The following SEMA4B variants were observed in gnomAD, a reference collection of about 807,000 sequenced individuals.
The protein encoded by SEMA4B is semaphorin-4B.
SEMA4B carries 55 observed loss-of-function variants against 88.1 expected under a neutral mutation model. The observed-to-expected ratio is 0.62, with a 90% CI of 0.50 to 0.78. SEMA4B has a LOEUF of 0.78. SEMA4B is among the 30% of genes least tolerant of loss of function. The probability of loss-of-function intolerance (pLI) is 0.00; values close to 1 mark genes in which losing one functional copy is unlikely to be tolerated. For missense variants in SEMA4B, 1,062 were observed against 1,111.9 expected, an observed-to-expected ratio of 0.96 and a Z score of 0.64; for synonymous variants, 525 against 473.6, an observed-to-expected ratio of 1.11 and a Z score of -1.41.
At chr15:90,203,140 G>A (rs948739943) in intron 1 of SEMA4B, among the ~76,000 whole-genome samples, 2 of 152,228 alleles carry the variant, frequency 1.3e-5, no homozygotes, top group Admixed American at 6.5e-5. Flanking sequence ...TACGGGAACC[G>A]CTGAATGAGT....
At position 90,225,190 on chromosome 15, in the gene SEMA4B, C is replaced by G. The variant is rs1271410523; in HGVS notation, c.1405+12C>G. ...CTTCCTGGGCACTGGTAAGTGTCTGCAGCCCAGCAGGCTCAGGGGAAGGGG... is the reference window on the plus strand; with the variant it reads ...CTTCCTGGGCACTGGTAAGTGTCTGGAGCCCAGCAGGCTCAGGGGAAGGGG... On this transcript the variant is annotated intron_variant, in intron 10 of 13. Transcript: ENST00000411539. 6.3e-7 allele frequency: 1 copy of G among 1,581,666 alleles called. No individual in the cohort carries two copies. Among genetic ancestry groups the G allele is most frequent in the Non-Finnish European group, 8.6e-7 (1 of 1,163,498 alleles).
upstream of SEMA4B, among the ~76,000 whole-genome samples, chr15:90,196,709 G>T (rs558799936): frequency 6.6e-6 from 1 of 151,776 alleles, no homozygotes; most frequent in Non-Finnish European, 1.5e-5. Flanking sequence ...GGATGGTCTC[G>T]ATCTCCTGAC....
At chr15:90,226,839 C>T (rs1255902437) in intron 12 of SEMA4B, among the ~76,000 whole-genome samples, 1 of 151,962 alleles carries the variant, frequency 6.6e-6, no homozygotes, top group Non-Finnish European at 1.5e-5. Context: ...TTTCATCCTT[C>T]GTGCCTGGTT....
chr15:90,215,822 T>C (rs781641323), intron 1 of SEMA4B, among the ~76,000 whole-genome samples: 2 of 151,828 alleles, frequency 1.3e-5, no homozygotes, highest in African/African-American at 2.4e-5. Context: ...AAAAAATAAA[T>C]AAAATTTGTA....
chr15:90,204,421 T>C (rs1045546082), intron 1 of SEMA4B, among the ~76,000 whole-genome samples: 1 of 152,122 alleles, frequency 6.6e-6, no homozygotes, highest in African/African-American at 2.4e-5. Context: ...TAATTATTGT[T>C]GATGAACAGC....
intron 1 of SEMA4B, among the ~76,000 whole-genome samples, chr15:90,188,130 G>A (rs868802122): frequency 6.6e-6 from 1 of 151,338 alleles, no homozygotes; most frequent in Non-Finnish European, 1.5e-5. Context: ...ACCAGCCTGG[G>A]CAACATGGTG....
chr15:90,229,250 C>G lies in SEMA4B; in HGVS notation c.*607C>G, dbSNP rs1293129899. 2.2e-6 allele frequency: 1 copy of G among 454,362 alleles called. No homozygotes were observed. The highest frequency in any genetic ancestry group is 4.4e-6 in the Non-Finnish European group (1 of 225,402). The allele number at this position is 454,362 out of a possible 1,614,324, so 28.1% of individuals were successfully genotyped here. ...GGCTAGGTTGGCACTGCGGCCCTCA[C>G]CAGGTCCTGGGCTCGGACCCAACTC... On this transcript the variant is annotated 3_prime_UTR_variant, in exon 14 of 14. Coordinates refer to ENST00000411539, the MANE Select transcript of SEMA4B (RefSeq NM_198925.4).
chr15:90,220,458 C>G (rs936063161), intron 4 of SEMA4B, among the ~76,000 whole-genome samples: 3 of 148,548 alleles, frequency 2.0e-5, no homozygotes, highest in African/African-American at 7.6e-5. Context: ...AGCTCTGCCT[C>G]CTGGGTTCAC....
chr15:90,187,927 C>A (rs1225093192), intron 1 of SEMA4B, among the ~76,000 whole-genome samples: 1 of 151,246 alleles, frequency 6.6e-6, no homozygotes, highest in Non-Finnish European at 1.5e-5. Context: ...ATCGCTTGAA[C>A]CCAGGAGGCG....
In SEMA4B at chr15:90,223,698, A is replaced by C. The variant is rs1185960786; in HGVS notation, c.1001A>C (p.Asp334Ala). The change falls in exon 8 of 14, where the codon GAC (aspartate) becomes GCC (alanine). Residue 334 changes from aspartate (D) to alanine (A), a missense_variant. Asp to Ala is a moderately radical substitution (Grantham distance 126). Coordinates refer to ENST00000411539, the MANE Select transcript of SEMA4B (RefSeq NM_198925.4). ...TTCACGCTGAGCCCCAGCCCCCAGG[A>C]CTGGCGTGACACCCTTTTCTATGGG... is the stretch of plus-strand genomic sequence containing the variant. ...DVFTLSPSPQ[D>A]WRDTLFYGVF... is the part of the protein sequence containing the mutation. The C allele has an allele frequency of 6.2e-7, 1 of 1,612,392 alleles. No homozygotes were observed. Among genetic ancestry groups the C allele is most frequent in the Non-Finnish European group, 8.5e-7 (1 of 1,178,928 alleles).
Position 90,221,783 on chromosome 15 carries a change from ACAGGGTGGCCACCC to A in SEMA4B, c.861+24_861+37del. 1.9e-6 allele frequency: 3 copies of A among 1,612,000 alleles called. No homozygotes were observed. The highest frequency in any genetic ancestry group is 2.5e-6 in the Non-Finnish European group (3 of 1,178,802). Reference sequence around the variant, plus strand: ...TCTGCAAGGTGAGGGGAACGGGCTGACAGGGTGGCCACCCCAGGGACCTCAAAGCCTCCACAGCT... The same window carrying A: ...TCTGCAAGGTGAGGGGAACGGGCTGACAGGGACCTCAAAGCCTCCACAGCT... On this transcript the variant is annotated intron_variant, in intron 7 of 13. Coordinates refer to ENST00000411539, the MANE Select transcript of SEMA4B (RefSeq NM_198925.4).
At chr15:90,223,191 C>T (rs918455605) in intron 7 of SEMA4B, among the ~76,000 whole-genome samples, 4 of 152,104 alleles carry the variant, frequency 2.6e-5, no homozygotes, top group Non-Finnish European at 5.9e-5. Flanking sequence ...GTGATCCACC[C>T]GCCTTGGCCT....
chr15:90,206,547 G>C (rs11073912), intron 1 of SEMA4B: 13,957 of 442,350 alleles, frequency 0.032, 1,562 homozygotes, highest in African/African-American at 0.25. Context: ...TTCAAGATTC[G>C]GCTTCACCCG....
At chr15:90,213,049 G>A (rs902917034) in intron 1 of SEMA4B, among the ~76,000 whole-genome samples, 1 of 152,174 alleles carries the variant, frequency 6.6e-6, no homozygotes, top group African/African-American at 2.4e-5. Flanking sequence ...CAGACACCAT[G>A]CCACACTGCA....
chr15:90,220,563 G>T (rs1053842677), intron 4 of SEMA4B, among the ~76,000 whole-genome samples: 4 of 151,494 alleles, frequency 2.6e-5, no homozygotes, highest in African/African-American at 9.7e-5. Context: ...AGAGAGGGGG[G>T]TTTCACCGTG....
At chr15:90,188,016 A>AAAAGAAAG (rs1288895094) in intron 1 of SEMA4B, among the ~76,000 whole-genome samples, 10 of 150,308 alleles carry the variant, frequency 6.7e-5, no homozygotes, top group African/African-American at 2.5e-4. Context: ...AAAAAAAAAA[A>AAAAGAAAG]AAAGAAAGAA....
In SEMA4B at chr15:90,188,318, T is replaced by G. The variant is rs1960235049; in HGVS notation, c.-122+3237T>G. On this transcript the variant is annotated intron_variant, in intron 1 of 14. Coordinates refer to the SEMA4B transcript ENST00000332496. ...CAGCTTGGGTGGCACAGTGAGACAC[T>G]GTCTCAAAAATAAAATAAAATAAAA... 2.0e-5 allele frequency among the ~76,000 whole-genome samples: 3 copies of G among 150,778 alleles called. No homozygotes were observed. The South Asian group carries it at 6.2e-4, about 31-fold the overall frequency.
rs2151592985 is a variant in SEMA4B at position 90,201,601 on chromosome 15, T to C, written c.23T>C (p.Leu8Pro). The change falls in exon 1 of 14, where the codon CTG becomes CCG. Residue 8 changes from leucine to proline, a missense_variant. Transcript: ENST00000411539. ...CGAATGCTGCGCACCGCGATGGGCC[T>C]GAGGAGCTGGCTCGCCGCCCCATGG... The part of the protein sequence containing the change: MLRTAMG[L>P]RSWLAAPWGA... 6.6e-7 allele frequency: 1 copy of C among 1,517,544 alleles called. No individual in the cohort carries two copies. Among genetic ancestry groups the C allele is most frequent in the Non-Finnish European group, 8.8e-7 (1 of 1,140,430 alleles). 94.0% of individuals were successfully genotyped at this position (1,517,544 alleles called of 1,614,324 possible).
At position 90,225,365 on chromosome 15, in the gene SEMA4B, C is replaced by G; in HGVS notation, c.1489C>G (p.Pro497Ala). 6.4e-7 allele frequency: 1 copy of G among 1,553,640 alleles called. No homozygotes were observed. The change falls in exon 11 of 14, where the codon CCC becomes GCC. Residue 497 changes from proline to alanine, a missense_variant. Physicochemically the swap from Pro to Ala is conservative, Grantham distance 27 (BLOSUM62 -1). Coordinates refer to ENST00000411539, the MANE Select transcript of SEMA4B (RefSeq NM_198925.4). ...EELQIFSSGQPVQNLLLDTHR... is the reference protein window; with the variant it reads ...EELQIFSSGQAVQNLLLDTHR... ...GCTGCAGATCTTCTCATCGGGACAGCCCGTGCAGAATCTGCTCCTGGACAC... is the reference window on the plus strand; with the variant it reads ...GCTGCAGATCTTCTCATCGGGACAGGCCGTGCAGAATCTGCTCCTGGACAC...
Sources: allele counts gnomAD v4.1 joint callset (sites outside exome capture counted in the v4.1 genomes callset), GRCh38; gene constraint gnomAD v4.1.1; transcripts MANE v1.5; gene names NCBI Gene and HGNC (gene_info 2026-07-23, HGNC 2026-07-21).